Variants in VAV2 observed in about 807,000 individuals in gnomAD.
The protein encoded by VAV2 is guanine nucleotide exchange factor VAV2.
In VAV2, 67 loss-of-function variants were observed where a neutral mutation model predicts 132.5. That is an observed-to-expected ratio of 0.51 (90% CI 0.42 to 0.62). The LOEUF (loss-of-function observed/expected upper bound fraction) is 0.62. Ranked by LOEUF, VAV2 falls within the 20% of genes least tolerant of loss-of-function variation. The probability of loss-of-function intolerance (pLI) is 0.00; values close to 1 mark genes in which losing one functional copy is unlikely to be tolerated. For missense variants in VAV2, 938 were observed against 1,153.6 expected, an observed-to-expected ratio of 0.81 and a Z score of 2.71; for synonymous variants, 492 against 443.5, an observed-to-expected ratio of 1.11 and a Z score of -1.37.
chr9:133,795,205 G>A (rs7038080), intron 12 of VAV2, among the ~76,000 whole-genome samples: 83,816 of 152,062 alleles, frequency 0.55, 23,547 homozygotes, highest in African/African-American at 0.65. Context: ...GAGCTCACCC[G>A]GACAAGGGGA....
intron 13 of VAV2, among the ~76,000 whole-genome samples, chr9:133,790,019 C>T (rs548997220): frequency 2.0e-5 from 3 of 152,334 alleles, no homozygotes; most frequent in Non-Finnish European, 2.9e-5. Context: ...CCAGAGGCTG[C>T]AAGGACAGCT....
intron 2 of VAV2, among the ~76,000 whole-genome samples, chr9:133,938,133 G>A (rs1840993892): frequency 6.6e-6 from 1 of 152,120 alleles, no homozygotes; most frequent in African/African-American, 2.4e-5. Flanking sequence ...TAGATACCAA[G>A]TCCCTGATAA....
chr9:133,799,269 C>A lies in VAV2; in HGVS notation c.837-1460G>T, dbSNP rs900068826. 6.6e-5 allele frequency among the ~76,000 whole-genome samples: 10 copies of A among 152,338 alleles called. 1 individual carries two copies. The South Asian group carries it at 1.2e-3, about 19-fold the overall frequency. ...ATCTTGACACACTTCCTACTCCCAACAAATGCTCATGAGGCTGTCCTCACC... is the reference window on the plus strand; with the variant it reads ...ATCTTGACACACTTCCTACTCCCAAAAAATGCTCATGAGGCTGTCCTCACC... On this transcript the variant is annotated intron_variant, in intron 9 of 29. Coordinates refer to ENST00000371850, the MANE Select transcript of VAV2 (RefSeq NM_001134398.2).
intron 2 of VAV2, among the ~76,000 whole-genome samples, chr9:133,920,460 T>C (rs528014857): frequency 1.7e-3 from 255 of 152,260 alleles, no homozygotes; most frequent in Non-Finnish European, 2.7e-3. Flanking sequence ...GATCACTCAC[T>C]GAAAGCCCAT....
At chr9:133,815,536 G>A (rs981831348) in intron 4 of VAV2, among the ~76,000 whole-genome samples, 4 of 152,054 alleles carry the variant, frequency 2.6e-5, no homozygotes, top group East Asian at 1.9e-4. Flanking sequence ...GAATGTCAAC[G>A]GTGTTGTGCG....
intron 1 of VAV2, among the ~76,000 whole-genome samples, chr9:133,950,916 C>T (rs1475147421): frequency 1.3e-5 from 2 of 152,142 alleles, no homozygotes; most frequent in Admixed American, 1.3e-4. Context: ...TTGGACAATC[C>T]AACTCCAGAC....
At chr9:133,806,951 G>A (rs899084212) in intron 8 of VAV2, among the ~76,000 whole-genome samples, 3 of 152,220 alleles carry the variant, frequency 2.0e-5, no homozygotes, top group Admixed American at 2.0e-4. Flanking sequence ...AGGGGTGGAG[G>A]GACACGTTTC....
In VAV2 at chr9:133,883,140, A is replaced by G. The variant is rs1036927574; in HGVS notation, c.322-21708T>C. Among the ~76,000 whole-genome samples the G allele has an allele frequency of 6.6e-6, 1 of 152,086 alleles. No individual in the cohort carries two copies. The highest frequency in any genetic ancestry group is 1.5e-5 in the Non-Finnish European group (1 of 67,996). On this transcript the variant is annotated intron_variant, in intron 2 of 29. Coordinates refer to ENST00000371850, the MANE Select transcript of VAV2 (RefSeq NM_001134398.2). This position sits in a 1 kb window ranked among gnomAD's most constrained non-coding sequence, Gnocchi z 4.2. ...TCTGGATCCTTCCCTCCTAATTGGC[A>G]TGGAAAGTCAAGTCCCTGAGCCTGC...
rs897314060 is a variant in VAV2 at position 133,949,755 on chromosome 9, C to T, written c.205-10536G>A. Among the ~76,000 whole-genome samples, 8 of 152,310 alleles carry T rather than the reference C, an allele frequency of 5.3e-5. No individual in the cohort carries two copies. In the South Asian group the frequency reaches 1.4e-3, roughly 28 times the overall value. Reference sequence around the variant, plus strand: ...AGACCCCAAACTCCAACCTGCAGCACGCAGGCAGCCCTGGGTCCAGAATCC... The same window carrying T: ...AGACCCCAAACTCCAACCTGCAGCATGCAGGCAGCCCTGGGTCCAGAATCC... On this transcript the variant is annotated intron_variant, in intron 1 of 29. Transcript: ENST00000371850.
intron 2 of VAV2, among the ~76,000 whole-genome samples, chr9:133,938,681 T>C (rs1031184366): frequency 6.6e-6 from 1 of 152,006 alleles, no homozygotes; most frequent in Non-Finnish European, 1.5e-5. Context: ...GTAGGCGCTT[T>C]CCCCTCCTCA....
intron 12 of VAV2, among the ~76,000 whole-genome samples, chr9:133,795,262 G>A (rs528056627): frequency 9.2e-5 from 14 of 152,330 alleles, no homozygotes; most frequent in East Asian, 7.7e-4. Context: ...AGCCAGGAGC[G>A]AAGGAGCTCC....
rs1349857982 is a variant in VAV2, at chr9:133,837,742, CT to C, written c.381-3403del. ...AAAAAAAAAAAACCTTTTTAAAAAC[CT>C]GACCTTGAGCTATGATTGTCGTAAT... On this transcript the variant is annotated intron_variant, in intron 3 of 29. Coordinates refer to ENST00000371850, the MANE Select transcript of VAV2 (RefSeq NM_001134398.2). Among the ~76,000 whole-genome samples the C allele has an allele frequency of 2.0e-5, 3 of 151,832 alleles. No homozygotes were observed. The East Asian group carries it at 5.8e-4, about 29-fold the overall frequency.
intron 1 of VAV2, among the ~76,000 whole-genome samples, chr9:133,979,632 T>C (rs422999): frequency 0.37 from 56,348 of 152,078 alleles, 10,890 homozygotes; most frequent in Middle Eastern, 0.45. Context: ...CAGGCACTAA[T>C]CCGGGCCCGG....
At position 133,803,271 on chromosome 9, in the gene VAV2, C is replaced by T. The variant is rs1548380; in HGVS notation, c.836+2810G>A. Among the ~76,000 whole-genome samples, 7 of 152,272 alleles carry T rather than the reference C, an allele frequency of 4.6e-5. No individual in the cohort carries two copies. In the South Asian group the frequency reaches 8.3e-4, roughly 18 times the overall value. ...GTTCTGCATTCCTCCCAAAAGCGCT[C>T]GTGCAAAGCTCCACAGAGAGCTCCT... On this transcript the variant is annotated intron_variant, in intron 9 of 29. Coordinates refer to ENST00000371850, the MANE Select transcript of VAV2 (RefSeq NM_001134398.2).
intron 2 of VAV2, among the ~76,000 whole-genome samples, chr9:133,897,413 T>C (rs1839256220): frequency 6.6e-6 from 1 of 152,122 alleles, no homozygotes; most frequent in Non-Finnish European, 1.5e-5. Context: ...TAACCCACCA[T>C]CTGGCCCATC....
intron 1 of VAV2, among the ~76,000 whole-genome samples, chr9:133,978,959 G>A (rs1365240348): frequency 6.6e-6 from 1 of 152,258 alleles, no homozygotes; most frequent in Non-Finnish European, 1.5e-5. Flanking sequence ...CATCAGAGCT[G>A]AGGGGGTCAG....
In VAV2 at chr9:133,941,765, A is replaced by C. The variant is rs1017643164; in HGVS notation, c.205-2546T>G. 3.9e-5 allele frequency among the ~76,000 whole-genome samples: 6 copies of C among 151,940 alleles called. No homozygotes were observed. The East Asian group carries it at 1.2e-3, about 30-fold the overall frequency. ...ATTACAGGCACGCACCACCATGCCC[A>C]GCTAATTTTTGTATTTTTAGTAGAG... On this transcript the variant is annotated intron_variant, in intron 1 of 29. Coordinates refer to ENST00000371850, the MANE Select transcript of VAV2 (RefSeq NM_001134398.2).
chr9:133,904,564 G>A (rs987879985), intron 2 of VAV2, among the ~76,000 whole-genome samples: 5 of 152,246 alleles, frequency 3.3e-5, no homozygotes, highest in South Asian at 2.1e-4. Flanking sequence ...GAGCCCAAAC[G>A]TGGGCACCAG....
Position 133,783,462 on chromosome 9 carries a change from G to A in VAV2, c.1723+41C>T, listed in dbSNP as rs371303658. 4.4e-6 allele frequency: 7 copies of A among 1,578,432 alleles called. No homozygotes were observed. The East Asian group carries it at 6.8e-5, about 15-fold the overall frequency. On this transcript the variant is annotated intron_variant, in intron 19 of 29. Transcript: ENST00000371850. ...TGGTAGGGGGCAGAAGTGAGCAGGC[G>A]TGGCCAGGGACTGGGGTGGGGGGGT...
Sources: gnomAD v4.1 joint callset for allele counts (sites outside exome capture counted in the v4.1 genomes callset) on GRCh38, gnomAD v4.1.1 for gene constraint, Gnocchi (gnomAD v3.1) non-coding constraint, MANE v1.5 for transcripts, NCBI Gene and HGNC (gene_info 2026-07-23, HGNC 2026-07-21) for gene names.